The following PPM1L variants were observed in gnomAD, a reference collection of about 807,000 sequenced individuals.
PPM1L encodes the protein protein phosphatase, Mg2+/Mn2+ dependent 1L.
In PPM1L, 13 loss-of-function variants were observed where a neutral mutation model predicts 31.4. That is an observed-to-expected ratio of 0.41 (90% confidence interval 0.27 to 0.66). PPM1L has a LOEUF of 0.66. Among genes scored for constraint, PPM1L ranks in the 30% least tolerant of loss-of-function variants. The pLI, the probability that PPM1L is intolerant of heterozygous loss-of-function variation, is 0.29. For missense variants in PPM1L, 326 were observed against 453.7 expected, an observed-to-expected ratio of 0.72 and a Z score of 2.56; for synonymous variants, 184 against 175.4, an observed-to-expected ratio of 1.05 and a Z score of -0.39.
chr3:161,048,055 T>A (rs1306641048), intron 2 of PPM1L, among the ~76,000 whole-genome samples: 4 of 152,088 alleles, frequency 2.6e-5, no homozygotes, highest in Non-Finnish European at 4.4e-5. Flanking sequence ...AAACACCAAA[T>A]GCAATGGCAA....
At chr3:161,003,450 A>G (rs1409468532) in intron 2 of PPM1L, among the ~76,000 whole-genome samples, 12 of 151,526 alleles carry the variant, frequency 7.9e-5, no homozygotes, top group Non-Finnish European at 1.6e-4. Context: ...TTTTCACGAT[A>G]TTGATTCTTC....
At chr3:160,927,629 C>T (rs557024072) in intron 1 of PPM1L, among the ~76,000 whole-genome samples, 4 of 143,302 alleles carry the variant, frequency 2.8e-5, no homozygotes, top group East Asian at 2.0e-4. Context: ...TGTGTGTGTG[C>T]GTGCGTGTGC....
chr3:160,965,252 A>G (rs1167596817), intron 2 of PPM1L, among the ~76,000 whole-genome samples: 1 of 151,980 alleles, frequency 6.6e-6, no homozygotes, highest in African/African-American at 2.4e-5. Context: ...ATCTCAAAAA[A>G]AAAAAGAAAA....
At chr3:160,920,381 C>T (rs140717160) in intron 1 of PPM1L, among the ~76,000 whole-genome samples, 7 of 152,074 alleles carry the variant, frequency 4.6e-5, no homozygotes, top group African/African-American at 1.7e-4. Flanking sequence ...CTTTCTTGGC[C>T]TTTTCTTTCA....
intron 1 of PPM1L, among the ~76,000 whole-genome samples, chr3:160,886,722 G>C (rs997889217): frequency 6.6e-6 from 1 of 152,058 alleles, no homozygotes; most frequent in Non-Finnish European, 1.5e-5. Flanking sequence ...TAGCTTCAAA[G>C]ATGGAAACTA....
At position 160,944,766 on chromosome 3, in the gene PPM1L, A is replaced by AT. The variant is rs1434728691; in HGVS notation, c.400-16970_400-16969insT. Among the ~76,000 whole-genome samples the AT allele has an allele frequency of 1.2e-3, 68 of 55,964 alleles. 3 individuals carry two copies. Among genetic ancestry groups the AT allele is most frequent in the Non-Finnish European group, 1.9e-3 (30 of 15,788 alleles). 36.7% of individuals were successfully genotyped at this position (55,964 alleles called of 152,430 possible). ...TTATATAATATATATGTTATATATA[A>AT]CATGTTATATATTATATTATATATG... On this transcript the variant is annotated intron_variant, in intron 1 of 3. Coordinates refer to ENST00000498165, the MANE Select transcript of PPM1L (RefSeq NM_139245.4).
chr3:160,992,598 T>C (rs576135056), intron 2 of PPM1L, among the ~76,000 whole-genome samples: 1 of 152,362 alleles, frequency 6.6e-6, no homozygotes, highest in East Asian at 1.9e-4. Context: ...AGCCTTTCTC[T>C]TCCTTACTCA....
chr3:161,020,149 T>G (rs1718200940), intron 2 of PPM1L, among the ~76,000 whole-genome samples: 1 of 151,048 alleles, frequency 6.6e-6, no homozygotes, highest in Non-Finnish European at 1.5e-5. Flanking sequence ...AAAGTTGTAC[T>G]AAGCCTAGAA....
intron 1 of PPM1L, among the ~76,000 whole-genome samples, chr3:160,944,808 TAACATATATATGTTATATATAACA>T (rs1559896901): frequency 0.075 from 992 of 13,280 alleles, 153 homozygotes; most frequent in African/African-American, 0.17. Context: ...ATAACATATA[TAACATATATATGTTATATATAACA>T]TATATATGTT....
intron 1 of PPM1L, among the ~76,000 whole-genome samples, chr3:160,959,205 C>T (rs1363981724): frequency 1.3e-5 from 2 of 152,034 alleles, no homozygotes; most frequent in African/African-American, 2.4e-5. Flanking sequence ...AAATGGAAAA[C>T]CAAATATCAT....
At chr3:160,805,636 C>T (rs570973226) in intron 1 of PPM1L, among the ~76,000 whole-genome samples, 1 of 152,114 alleles carries the variant, frequency 6.6e-6, no homozygotes, top group Non-Finnish European at 1.5e-5. Flanking sequence ...GCAGCAGATT[C>T]GCTTGAACCC....
At chr3:161,002,682 GTTGT>G (rs1364539832) in intron 2 of PPM1L, among the ~76,000 whole-genome samples, 4 of 144,002 alleles carry the variant, frequency 2.8e-5, no homozygotes, top group Non-Finnish European at 4.5e-5. Flanking sequence ...TTTTGATGGG[GTTGT>G]TTGTTTTTTT....
At chr3:160,947,283 A>G (rs952019692) in intron 1 of PPM1L, among the ~76,000 whole-genome samples, 4 of 152,186 alleles carry the variant, frequency 2.6e-5, no homozygotes, top group East Asian at 1.9e-4. Context: ...AGCAGTCCCA[A>G]TGGCCGGTAT....
intron 1 of PPM1L, among the ~76,000 whole-genome samples, chr3:160,944,106 G>A (rs1715247541): frequency 6.6e-6 from 1 of 152,038 alleles, no homozygotes; most frequent in East Asian, 1.9e-4. Flanking sequence ...CTGTTCCACA[G>A]CAGATTTTTT....
chr3:161,061,724 G>A (rs1719575656), intron 2 of PPM1L, among the ~76,000 whole-genome samples: 1 of 152,072 alleles, frequency 6.6e-6, no homozygotes, highest in Non-Finnish European at 1.5e-5. Context: ...TTATATAAGG[G>A]ACTTGGCCAT....
chr3:160,879,325 T>G (rs1166886790), intron 1 of PPM1L, among the ~76,000 whole-genome samples: 1 of 152,122 alleles, frequency 6.6e-6, no homozygotes, highest in Admixed American at 6.5e-5. Context: ...AGCAGTTCCA[T>G]CCCAGGAATG....
chr3:160,781,022 A>G (rs1310667883), intron 1 of PPM1L, among the ~76,000 whole-genome samples: 2 of 152,148 alleles, frequency 1.3e-5, no homozygotes, highest in Non-Finnish European at 2.9e-5. Context: ...CTCTTCATTT[A>G]GCAACTCTGT....
chr3:160,823,368 A>ATTTTTTT (rs199918303), intron 1 of PPM1L, among the ~76,000 whole-genome samples: 3 of 142,154 alleles, frequency 2.1e-5, no homozygotes, highest in African/African-American at 2.6e-5. Flanking sequence ...TGTATAAATG[A>ATTTTTTT]TTTTTTTTTT....
intron 1 of PPM1L, among the ~76,000 whole-genome samples, chr3:160,869,601 T>C (rs1576680227): frequency 6.6e-6 from 1 of 152,158 alleles, no homozygotes; most frequent in East Asian, 1.9e-4. Context: ...ATTGTTTTTT[T>C]CCAAAAATTG....
Sources: gnomAD v4.1 joint callset for allele counts (sites outside exome capture counted in the v4.1 genomes callset) on GRCh38, gnomAD v4.1.1 for gene constraint, MANE v1.5 for transcripts, NCBI Gene and HGNC (gene_info 2026-07-23, HGNC 2026-07-21) for gene names.